ZBTB41: variants seen among roughly 807,000 people sequenced by gnomAD.
ZBTB41 encodes zinc finger and BTB domain containing 41, also known as zinc finger and BTB domain-containing protein 41.
In ZBTB41, 42 loss-of-function variants were observed where a neutral mutation model predicts 87.6. That is an observed-to-expected ratio of 0.48 (90% CI 0.37 to 0.62). The LOEUF is 0.62. ZBTB41 is among the 20% of genes least tolerant of loss of function. ZBTB41 has a pLI of 0.00. For synonymous variants in ZBTB41, 364 were observed against 364.0 expected, an observed-to-expected ratio of 1.00 and a Z score of 0.00; for missense variants, 799 against 1,078.9, an observed-to-expected ratio of 0.74 and a Z score of 3.63.
intron 5 of ZBTB41, among the ~76,000 whole-genome samples, chr1:197,183,723 G>A (rs1659813410): frequency 6.6e-6 from 1 of 152,162 alleles, no homozygotes; most frequent in African/African-American, 2.4e-5. Context: ...AATGTCGAAT[G>A]TACTTTCCTT....
chr1:197,161,274 T>A (rs537412366), intron 10 of ZBTB41, among the ~76,000 whole-genome samples: 23 of 152,224 alleles, frequency 1.5e-4, no homozygotes, highest in African/African-American at 5.1e-4. Context: ...ACACTAATAC[T>A]GCAGTAGACA....
At chr1:197,184,012 C>T (rs1659822515) in intron 5 of ZBTB41, among the ~76,000 whole-genome samples, 1 of 152,146 alleles carries the variant, frequency 6.6e-6, no homozygotes, top group Non-Finnish European at 1.5e-5. Context: ...TAAGTTCCAA[C>T]ACTTAAAAAG....
intron 2 of ZBTB41, among the ~76,000 whole-genome samples, chr1:197,192,522 CTAT>C (rs1660061300): frequency 6.6e-6 from 1 of 152,012 alleles, no homozygotes; most frequent in African/African-American, 2.4e-5. Context: ...TTACTGTTGT[CTAT>C]TATTATTACT....
chr1:197,191,291 C>G (rs557992245), intron 3 of ZBTB41, among the ~76,000 whole-genome samples: 69 of 151,660 alleles, frequency 4.5e-4, no homozygotes, highest in African/African-American at 1.6e-3. Flanking sequence ...GAAACCCAGT[C>G]TCTACAAAAA....
Position 197,161,120 on chromosome 1 carries a change from T to C in ZBTB41, c.2075-1106A>G, listed in dbSNP as rs141461381. Among the ~76,000 whole-genome samples the C allele has an allele frequency of 1.4e-3, 212 of 152,196 alleles. 2 individuals carry two copies. The highest frequency in any genetic ancestry group is 3.4e-3 in the African/African-American group (143 of 41,548). On this transcript the variant is annotated intron_variant, in intron 10 of 10. Transcript: ENST00000367405. ...ATTCCCTATAGCCCCTGGAAAGAAA[T>C]ACAGCTCTACCAAACACTTAGATTT...
At chr1:197,176,818 A>G in intron 7 of ZBTB41, 148 bp from the exon 8 acceptor site, 1 of 620,464 alleles carries the variant, frequency 1.6e-6, no homozygotes, top group South Asian at 2.0e-5. Context: ...TGACTTTCAG[A>G]GTCCTTTTCA....
chr1:197,167,624 C>G (rs1659381374), intron 10 of ZBTB41, among the ~76,000 whole-genome samples: 1 of 152,032 alleles, frequency 6.6e-6, no homozygotes, highest in Admixed American at 6.6e-5. Flanking sequence ...ATTCAAAAAT[C>G]AATCAGTACA....
chr1:197,191,593 AAG>A, intron 3 of ZBTB41, 97 bp downstream of exon 3: 1 of 919,638 alleles, frequency 1.1e-6, no homozygotes, highest in Middle Eastern at 3.5e-4. Context: ...TCTCCAATGA[AAG>A]AATTGGAGAT....
At chr1:197,172,621 A>G (rs150401790) in intron 9 of ZBTB41, among the ~76,000 whole-genome samples, 2 of 152,202 alleles carry the variant, frequency 1.3e-5, no homozygotes, top group Admixed American at 1.3e-4. Flanking sequence ...GGAAATGAAG[A>G]GTTGTCTAGA....
In ZBTB41 at chr1:197,183,080, T is replaced by C. The variant is rs573448275; in HGVS notation, c.1547-1963A>G. On this transcript the variant is annotated intron_variant, in intron 5 of 10. Transcript: ENST00000367405. ...GCATGTATACATATATGTATACATA[T>C]GTACACACACACAAATACAGAAAAT... is the stretch of plus-strand genomic sequence containing the variant. 7.9e-5 allele frequency among the ~76,000 whole-genome samples: 12 copies of C among 152,212 alleles called. No homozygotes were observed. In the South Asian group the frequency reaches 2.5e-3, roughly 32 times the overall value.
rs1467940434 is a variant in ZBTB41 at position 197,164,902 on chromosome 1, ATATAT to A, written c.2075-4893_2075-4889del. ...ATATATTATATATAATACATATCTA[ATATAT>A]TATATATAATACATATCTAATATAT... On this transcript the variant is annotated intron_variant, in intron 10 of 10. Transcript: ENST00000367405. Among the ~76,000 whole-genome samples, 26 of 29,330 alleles carry A rather than the reference ATATAT, an allele frequency of 8.9e-4. 1 individual carries two copies. The highest frequency in any genetic ancestry group is 1.7e-3 in the African/African-American group (26 of 15,362). The allele number at this position is 29,330 out of a possible 152,430, so 19.2% of individuals were successfully genotyped here. A position where few individuals can be genotyped will look rare whatever the true frequency, so the allele number is the denominator to read the frequency against.
chr1:197,199,757 A>G lies in ZBTB41; in HGVS notation c.717T>C (p.His239=). 1 of 1,613,176 alleles carries G rather than the reference A, an allele frequency of 6.2e-7. No individual in the cohort carries two copies. The highest frequency in any genetic ancestry group is 1.3e-5 in the African/African-American group (1 of 74,922). Residue 239 remains histidine, a synonymous_variant, in exon 2 of 11, where the codon CAT becomes CAC. Coordinates refer to ENST00000367405, the MANE Select transcript of ZBTB41 (RefSeq NM_194314.3). The part of the protein sequence containing the change: ...THRSLLLGKK[H]GLKMLERSFS... ...AACTTCTCTCCAGCATTTTTAACCC[A>G]TGTTTTTTCCCTAATAAAAGGGACC... is the stretch of plus-strand genomic sequence containing the variant.
rs995126300 is a variant in ZBTB41, at chr1:197,171,811, T to A, written c.2074+349A>T. ...AAATAAAAGATAAAAAGGAATTTAATCTGAAGGCTTAAGAAAAGCCTTCAG... is the reference window on the plus strand; with the variant it reads ...AAATAAAAGATAAAAAGGAATTTAAACTGAAGGCTTAAGAAAAGCCTTCAG... On this transcript the variant is annotated intron_variant, in intron 10 of 10. Coordinates refer to ENST00000367405, the MANE Select transcript of ZBTB41 (RefSeq NM_194314.3). Among the ~76,000 whole-genome samples the A allele has an allele frequency of 6.6e-5, 10 of 151,806 alleles. No individual in the cohort carries two copies. The South Asian group carries it at 2.1e-3, about 32-fold the overall frequency.
At chr1:197,196,156 T>C (rs1660157015) in intron 2 of ZBTB41, among the ~76,000 whole-genome samples, 1 of 152,142 alleles carries the variant, frequency 6.6e-6, no homozygotes, top group South Asian at 2.1e-4. Flanking sequence ...AGGCTCACAA[T>C]CTAAGACAGA....
rs570447988 is a variant in ZBTB41, at chr1:197,181,719, A to C, written c.1547-602T>G. On this transcript the variant is annotated intron_variant, in intron 5 of 10. Transcript: ENST00000367405. ...GCAAGAAGATGTCTCAGTATATGGAAGGACAAACTGAAGAAAGAATTCTAA... is the reference window on the plus strand; with the variant it reads ...GCAAGAAGATGTCTCAGTATATGGACGGACAAACTGAAGAAAGAATTCTAA... Among the ~76,000 whole-genome samples the C allele has an allele frequency of 2.6e-5, 4 of 152,314 alleles. 1 individual carries two copies. The highest frequency in any genetic ancestry group is 9.6e-5 in the African/African-American group (4 of 41,588).
In ZBTB41 at chr1:197,156,736, T is replaced by C. The variant is rs1659076668; in HGVS notation, c.*2623A>G. 1 of 152,274 alleles carries C rather than the reference T, an allele frequency of 6.6e-6. No homozygotes were observed. Among genetic ancestry groups the C allele is most frequent in the Non-Finnish European group, 1.5e-5 (1 of 67,794 alleles). 9.4% of individuals were successfully genotyped at this position (152,274 alleles called of 1,614,324 possible). A position where few individuals can be genotyped will look rare whatever the true frequency, so the allele number is the denominator to read the frequency against. On this transcript the variant is annotated 3_prime_UTR_variant, in exon 11 of 11. Transcript: ENST00000367405. ...GAGGCAGCAGATTAGTTTCATTTTG[T>C]TTTTGTTGTTGTTGTTTTCAATCAT...
chr1:197,162,525 T>C (rs4342879), intron 10 of ZBTB41, among the ~76,000 whole-genome samples: 118,114 of 152,164 alleles, frequency 0.78, 49,246 homozygotes, highest in East Asian at 1. Context: ...CACAGAATCA[T>C]CTTTCTTTAG....
chr1:197,159,643 G>C lies in ZBTB41; in HGVS notation c.2446C>G (p.Gln816Glu). 1 of 1,614,022 alleles carries C rather than the reference G, an allele frequency of 6.2e-7. No individual in the cohort carries two copies. The highest frequency in any genetic ancestry group is 8.5e-7 in the Non-Finnish European group (1 of 1,179,910). ...VCVPVTLVPVQMPDTPSDLVR... is the reference protein window; with the variant it reads ...VCVPVTLVPVEMPDTPSDLVR... Reference sequence around the variant, plus strand: ...AGGTCACTCGGAGTGTCAGGCATCTGAACTGGAACCAGAGTTACTGGAACA... The same window carrying C: ...AGGTCACTCGGAGTGTCAGGCATCTCAACTGGAACCAGAGTTACTGGAACA... The change falls in exon 11 of 11, where the codon CAG becomes GAG. Residue 816 changes from glutamine to glutamate, a missense_variant. Transcript: ENST00000367405.
Position 197,163,512 on chromosome 1 carries a change from CAGG to C in ZBTB41, c.2075-3501_2075-3499del, listed in dbSNP as rs564372767. ...CCTAATGTACATGTAATCAAAGTCT[CAGG>C]AGGAGGAGAGAGAATAGGCAATAGC... On this transcript the variant is annotated intron_variant, in intron 10 of 10. Transcript: ENST00000367405. Among the ~76,000 whole-genome samples, 928 of 151,930 alleles carry C rather than the reference CAGG, an allele frequency of 6.1e-3. 11 individuals are homozygous for C. Among genetic ancestry groups the C allele is most frequent in the African/African-American group, 0.02 (840 of 41,492 alleles).
Sources: gnomAD v4.1 joint callset for allele counts (sites outside exome capture counted in the v4.1 genomes callset) on GRCh38, gnomAD v4.1.1 for gene constraint, MANE v1.5 for transcripts, NCBI Gene and HGNC (gene_info 2026-07-23, HGNC 2026-07-21) for gene names.